Variants in SEMA6D observed in about 807,000 individuals in gnomAD.
The protein encoded by SEMA6D is semaphorin 6D, also known as semaphorin-6D.
A neutral mutation model predicts 106.6 loss-of-function variants in SEMA6D; 35 were observed. That is an observed-to-expected ratio of 0.33 (90% CI 0.25 to 0.44). The LOEUF (loss-of-function observed/expected upper bound fraction) is 0.44, where lower values mean the gene tolerates loss of function less well. Among genes scored for constraint, SEMA6D ranks in the 20% least tolerant of loss-of-function variants. The probability of loss-of-function intolerance (pLI) is 1.00; values close to 1 mark genes in which losing one functional copy is unlikely to be tolerated. For synonymous variants in SEMA6D, 499 were observed against 487.7 expected (o/e 1.02, Z -0.31); for missense variants, 1,185 against 1,345.9 (o/e 0.88, Z 1.87).
chr15:47,297,954 G>A (rs1407552938), intron 1 of SEMA6D, among the ~76,000 whole-genome samples: 1 of 152,134 alleles, frequency 6.6e-6, no homozygotes, highest in African/African-American at 2.4e-5. Context: ...GGATAGAGGA[G>A]TTGTGGATGA....
At chr15:47,650,348 T>C (rs1213881310) in intron 4 of SEMA6D, among the ~76,000 whole-genome samples, 1 of 152,190 alleles carries the variant, frequency 6.6e-6, no homozygotes, top group Non-Finnish European at 1.5e-5. Flanking sequence ...CATGGCAACC[T>C]CTCTGTCCAA....
At chr15:47,352,682 A>G (rs953151016) in intron 1 of SEMA6D, among the ~76,000 whole-genome samples, 3 of 152,240 alleles carry the variant, frequency 2.0e-5, no homozygotes, top group African/African-American at 7.2e-5. Flanking sequence ...CCTCCAGTTC[A>G]TGAGATAAAA....
intron 1 of SEMA6D, among the ~76,000 whole-genome samples, chr15:47,374,014 T>C (rs970203926): frequency 6.6e-6 from 1 of 152,186 alleles, no homozygotes; most frequent in Non-Finnish European, 1.5e-5. Flanking sequence ...GCACAGCAGA[T>C]GTCCAGATTA....
At chr15:47,432,467 AACAC>A (rs1265692689) in intron 2 of SEMA6D, among the ~76,000 whole-genome samples, 2 of 144,920 alleles carry the variant, frequency 1.4e-5, no homozygotes, top group Non-Finnish European at 3.0e-5. Flanking sequence ...TCTTTCCATA[AACAC>A]ACACATTTAT....
intron 1 of SEMA6D, among the ~76,000 whole-genome samples, chr15:47,238,817 G>C (rs1287894547): frequency 6.6e-6 from 1 of 152,090 alleles, no homozygotes; most frequent in Non-Finnish European, 1.5e-5. Context: ...ATCAAGATGA[G>C]AACTTCCATT....
Position 47,364,690 on chromosome 15 carries a change from C to T in SEMA6D, c.-238-47703C>T, listed in dbSNP as rs941371714. ...ACTCCACGGCCTCTTTCCAGTGCCC[C>T]TCCCCCAATGCTTTCTCATCTTAAG... is the stretch of plus-strand genomic sequence containing the variant. On this transcript the variant is annotated intron_variant, in intron 1 of 19. Transcript: ENST00000558014. Among the ~76,000 whole-genome samples the T allele has an allele frequency of 3.9e-5, 6 of 152,196 alleles. No individual in the cohort carries two copies. In the South Asian group the frequency reaches 6.2e-4, roughly 16 times the overall value.
At chr15:47,349,077 C>G (rs534048380) in intron 1 of SEMA6D, among the ~76,000 whole-genome samples, 2 of 151,734 alleles carry the variant, frequency 1.3e-5, no homozygotes, top group South Asian at 4.2e-4. Flanking sequence ...TTCATTCTCC[C>G]CACCTCTTCC....
chr15:47,586,054 T>A (rs1319096966), intron 3 of SEMA6D, among the ~76,000 whole-genome samples: 2 of 152,232 alleles, frequency 1.3e-5, no homozygotes, highest in Non-Finnish European at 2.9e-5. Context: ...TCAATAAACC[T>A]GTTAATTTGC....
chr15:47,670,553 A>T (rs1296491847), intron 4 of SEMA6D, among the ~76,000 whole-genome samples: 1 of 152,242 alleles, frequency 6.6e-6, no homozygotes, highest in African/African-American at 2.4e-5. Flanking sequence ...TCTTCCCAGC[A>T]GTGTAGACTC....
At chr15:47,501,976 A>G (rs1047754955) in intron 3 of SEMA6D, among the ~76,000 whole-genome samples, 6 of 152,064 alleles carry the variant, frequency 3.9e-5, no homozygotes, top group Non-Finnish European at 5.9e-5. Context: ...TTGGTTATCA[A>G]TTATTCAGGT....
At chr15:47,327,192 C>T (rs534131703) in intron 1 of SEMA6D, among the ~76,000 whole-genome samples, 1 of 152,260 alleles carries the variant, frequency 6.6e-6, no homozygotes, top group African/African-American at 2.4e-5. Context: ...GTTATTTAGC[C>T]TGTTTTTTTT....
At chr15:47,711,128 T>C (rs1053288324) in intron 4 of SEMA6D, among the ~76,000 whole-genome samples, 4 of 150,996 alleles carry the variant, frequency 2.6e-5, no homozygotes, top group Non-Finnish European at 5.9e-5. Flanking sequence ...GCTAAAACGG[T>C]GAAACCCCGT....
chr15:47,589,364 G>C (rs1279897560), intron 3 of SEMA6D, among the ~76,000 whole-genome samples: 1 of 152,258 alleles, frequency 6.6e-6, no homozygotes, highest in African/African-American at 2.4e-5. Flanking sequence ...AGATGGGGCA[G>C]AAACAGTCTG....
At chr15:47,486,811 A>C (rs1270808647) in intron 3 of SEMA6D, among the ~76,000 whole-genome samples, 1 of 152,238 alleles carries the variant, frequency 6.6e-6, no homozygotes, top group Non-Finnish European at 1.5e-5. Flanking sequence ...CTACAGATGT[A>C]ATGCATGGTT....
intron 1 of SEMA6D, among the ~76,000 whole-genome samples, chr15:47,371,420 A>G (rs543631726): frequency 1.7e-4 from 26 of 152,234 alleles, no homozygotes; most frequent in Non-Finnish European, 3.5e-4. Context: ...CATCATGCTT[A>G]TGAAATATTA....
At chr15:47,282,800 C>T (rs1280264097) in intron 1 of SEMA6D, among the ~76,000 whole-genome samples, 1 of 152,096 alleles carries the variant, frequency 6.6e-6, no homozygotes, top group Non-Finnish European at 1.5e-5. Flanking sequence ...GTCATTGTTC[C>T]TGACATCAGC....
At chr15:47,639,536 A>G (rs2077451943) in intron 4 of SEMA6D, among the ~76,000 whole-genome samples, 1 of 152,206 alleles carries the variant, frequency 6.6e-6, no homozygotes, top group Non-Finnish European at 1.5e-5. Context: ...TGGGCTGCAC[A>G]TACATAGTGA....
intron 4 of SEMA6D, among the ~76,000 whole-genome samples, chr15:47,696,594 T>C (rs1241668834): frequency 6.6e-6 from 1 of 152,226 alleles, no homozygotes; most frequent in Non-Finnish European, 1.5e-5. Flanking sequence ...ACATCTGCTG[T>C]GCAGCTTCTT....
At chr15:47,220,823 C>G (rs1480521549) in intron 1 of SEMA6D, among the ~76,000 whole-genome samples, 1 of 152,148 alleles carries the variant, frequency 6.6e-6, no homozygotes, top group Non-Finnish European at 1.5e-5. Context: ...TCGAAAGAAG[C>G]ATTTGCAACT....
Sources: allele counts gnomAD v4.1 joint callset (sites outside exome capture counted in the v4.1 genomes callset), GRCh38; gene constraint gnomAD v4.1.1; transcripts MANE v1.5; gene names NCBI Gene and HGNC (gene_info 2026-07-23, HGNC 2026-07-21).